The following DHRSX variants were observed in gnomAD, a reference collection of about 807,000 sequenced individuals.
DHRSX encodes dehydrogenase/reductase X-linked.
A neutral mutation model predicts 34.0 loss-of-function variants in DHRSX; 31 were observed. The observed-to-expected ratio is 0.91, with a 90% CI of 0.69 to 1.23. The LOEUF is 1.23. Among genes scored for constraint, DHRSX ranks in the 50% most tolerant of loss-of-function variants. DHRSX has a pLI of 0.00. For synonymous variants in DHRSX, 201 were observed against 183.8 expected (o/e 1.09, Z -0.76); for missense variants, 414 against 428.1 (o/e 0.97, Z 0.29).
intron 5 of DHRSX, among the ~76,000 whole-genome samples, chrX:2,261,160 A>C (rs1020097024): frequency 6.6e-6 from 1 of 152,142 alleles, no homozygotes; most frequent in Non-Finnish European, 1.5e-5. Flanking sequence ...CCGTGAGCCA[A>C]GATAGCACCA....
intron 5 of DHRSX, among the ~76,000 whole-genome samples, chrX:2,255,881 T>G (rs985859143): frequency 1.3e-5 from 2 of 151,780 alleles, no homozygotes; most frequent in Non-Finnish European, 2.9e-5. Context: ...GCCACTGCAC[T>G]CCAGCCTCGA....
chrX:2,471,622 T>C (rs2044594437), intron 1 of DHRSX, among the ~76,000 whole-genome samples: 1 of 150,390 alleles, frequency 6.6e-6, no homozygotes, highest in Non-Finnish European at 1.5e-5. Context: ...AGATCTGCAA[T>C]AGGGCATCAG....
chrX:2,262,406 C>T (rs574330085), intron 5 of DHRSX, among the ~76,000 whole-genome samples: 10 of 152,314 alleles, frequency 6.6e-5, no homozygotes, highest in African/African-American at 1.9e-4. Context: ...TCTGTGCACA[C>T]TGGCACGCAC....
chrX:2,260,628 T>C (rs2041351381), intron 5 of DHRSX, among the ~76,000 whole-genome samples: 1 of 151,846 alleles, frequency 6.6e-6, no homozygotes, highest in Non-Finnish European at 1.5e-5. Context: ...CCCGGCTAAT[T>C]TTTTGTATTT....
At chrX:2,381,448 C>T (rs1024168441) in intron 3 of DHRSX, among the ~76,000 whole-genome samples, 7 of 151,906 alleles carry the variant, frequency 4.6e-5, no homozygotes, top group Non-Finnish European at 1.0e-4. Flanking sequence ...CAGGGAGAAA[C>T]CCCGTCTATA....
intron 3 of DHRSX, among the ~76,000 whole-genome samples, chrX:2,323,639 C>T (rs933023273): frequency 1.5e-4 from 23 of 152,048 alleles, no homozygotes; most frequent in Non-Finnish European, 2.5e-4. Context: ...AATGATGATG[C>T]GTACCTACAG....
Position 2,433,054 on chromosome X carries a change from A to G in DHRSX, c.110-7750T>C, listed in dbSNP as rs192387737. On this transcript the variant is annotated intron_variant, in intron 1 of 6. Transcript: ENST00000334651. ...TGGGAGGATCACTTGAGCCCAAGGG[A>G]TGGAGGTTGCAGTGAGCCAAGATCG... is the stretch of plus-strand genomic sequence containing the variant. 7.0e-3 allele frequency among the ~76,000 whole-genome samples: 1,059 copies of G among 152,118 alleles called. 7 individuals carry two copies. The highest frequency in any genetic ancestry group is 0.011 in the Non-Finnish European group (731 of 68,000).
chrX:2,347,781 G>C (rs928877986), intron 3 of DHRSX, among the ~76,000 whole-genome samples: 1 of 151,934 alleles, frequency 6.6e-6, no homozygotes, highest in African/African-American at 2.4e-5. Context: ...ATGCCTTTTT[G>C]TTTTTCAGTT....
intron 4 of DHRSX, among the ~76,000 whole-genome samples, chrX:2,270,725 C>T (rs191792296): frequency 6.6e-6 from 1 of 152,304 alleles, no homozygotes; most frequent in African/African-American, 2.4e-5. Context: ...AGATCTGCTG[C>T]TTTTGAGACG....
intron 6 of DHRSX, among the ~76,000 whole-genome samples, chrX:2,232,976 C>A (rs1230627453): frequency 6.6e-6 from 1 of 152,106 alleles, no homozygotes; most frequent in Non-Finnish European, 1.5e-5. Flanking sequence ...AAACTATACA[C>A]CATGGGCAAA....
intron 1 of DHRSX, among the ~76,000 whole-genome samples, chrX:2,494,882 G>A (rs2045243449): frequency 1.3e-5 from 2 of 151,658 alleles, no homozygotes; most frequent in African/African-American, 4.8e-5. Context: ...CTGGTACTGT[G>A]AACAAAGGTT....
At chrX:2,292,201 C>T (rs988486800) in intron 3 of DHRSX, among the ~76,000 whole-genome samples, 3 of 152,142 alleles carry the variant, frequency 2.0e-5, no homozygotes, top group Non-Finnish European at 1.5e-5. Flanking sequence ...TTTGTGAGAG[C>T]GCCTTGGGGC....
intron 1 of DHRSX, among the ~76,000 whole-genome samples, chrX:2,482,542 G>A (rs983181653): frequency 6.6e-6 from 1 of 152,100 alleles, no homozygotes; most frequent in Non-Finnish European, 1.5e-5. Flanking sequence ...TGGGATGACA[G>A]GTGTGAGCCA....
chrX:2,360,366 C>A, intron 3 of DHRSX, among the ~76,000 whole-genome samples: 1 of 152,130 alleles, frequency 6.6e-6, no homozygotes, highest in East Asian at 1.9e-4. Flanking sequence ...GGGCGGATCA[C>A]GAGGGCAGGA....
chrX:2,476,840 T>A (rs1302005580), intron 1 of DHRSX, among the ~76,000 whole-genome samples: 2 of 151,936 alleles, frequency 1.3e-5, no homozygotes, highest in African/African-American at 4.8e-5. Context: ...CCGTCTCTAC[T>A]AAAAATACAA....
At chrX:2,298,628 A>ACACGCACACACACACGTACACACGCGCG in intron 3 of DHRSX, among the ~76,000 whole-genome samples, 1 of 127,670 alleles carries the variant, frequency 7.8e-6, no homozygotes, top group African/African-American at 2.7e-5. Context: ...ACACACACAC[A>ACACGCACACACACACGTACACACGCGCG]CACACACACG....
intron 3 of DHRSX, among the ~76,000 whole-genome samples, chrX:2,307,116 G>A (rs1332831845): frequency 6.6e-6 from 1 of 152,062 alleles, no homozygotes; most frequent in Non-Finnish European, 1.5e-5. Flanking sequence ...ATATACCGTA[G>A]AATAGTATAG....
intron 1 of DHRSX, among the ~76,000 whole-genome samples, chrX:2,451,233 T>TAA (rs34552645): frequency 5.9e-5 from 8 of 135,644 alleles, no homozygotes; most frequent in South Asian, 4.8e-4. Flanking sequence ...ACTCCATCTT[T>TAA]AAAAAAAAAA....
intron 6 of DHRSX, among the ~76,000 whole-genome samples, chrX:2,224,199 C>T (rs1453371001): frequency 2.0e-5 from 3 of 152,198 alleles, no homozygotes; most frequent in Non-Finnish European, 4.4e-5. Flanking sequence ...GTGTCTTGAC[C>T]ATGTAGTATG....
Sources: gnomAD v4.1 joint callset for allele counts (sites outside exome capture counted in the v4.1 genomes callset) on GRCh38, gnomAD v4.1.1 for gene constraint, MANE v1.5 for transcripts, NCBI Gene and HGNC (gene_info 2026-07-23, HGNC 2026-07-21) for gene names.